Variants in KAZN observed in about 807,000 individuals in gnomAD.
KAZN encodes kazrin.
KAZN carries 40 observed loss-of-function variants against 87.4 expected under a neutral mutation model. The ratio of observed to expected loss-of-function variants is 0.46; its 90% CI spans 0.36 to 0.60. The LOEUF is 0.60. KAZN is among the 20% of genes least tolerant of loss of function. The pLI, the probability that KAZN is intolerant of heterozygous loss-of-function variation, is 0.00. For synonymous variants in KAZN, 466 were observed against 458.3 expected (o/e 1.02, Z -0.22); for missense variants, 898 against 1,073.9 (o/e 0.84, Z 2.29).
intron 1 of KAZN, among the ~76,000 whole-genome samples, chr1:14,789,381 T>G (rs1370462103): frequency 6.6e-6 from 1 of 152,138 alleles, no homozygotes; most frequent in Non-Finnish European, 1.5e-5. Context: ...CCCTCCTCAC[T>G]TTTCCAGACC....
At chr1:14,701,895 C>T (rs1487381114) in intron 1 of KAZN, among the ~76,000 whole-genome samples, 2 of 152,182 alleles carry the variant, frequency 1.3e-5, no homozygotes, top group African/African-American at 4.8e-5. Context: ...CTCCACCTCA[C>T]CTACATGTAT....
At chr1:14,918,675 CAAAAAAAAAAAAA>C (rs1158537283) in intron 1 of KAZN, among the ~76,000 whole-genome samples, 24 of 37,026 alleles carry the variant, frequency 6.5e-4, no homozygotes, top group Middle Eastern at 0.018. Context: ...GACTCCATCT[CAAAAAAAAAAAAA>C]AAAAAAAAAA....
chr1:15,004,012 A>G (rs1668763536), intron 2 of KAZN, among the ~76,000 whole-genome samples: 3 of 152,144 alleles, frequency 2.0e-5, no homozygotes, highest in African/African-American at 7.2e-5. Flanking sequence ...TTTAAAGGAC[A>G]TTTCCTCTGA....
intron 3 of KAZN, among the ~76,000 whole-genome samples, chr1:15,041,096 G>A (rs929260444): frequency 5.3e-5 from 8 of 150,040 alleles, no homozygotes; most frequent in South Asian, 2.1e-4. Flanking sequence ...GAATACAAGC[G>A]CATGCCACCA....
intron 1 of KAZN, among the ~76,000 whole-genome samples, chr1:14,175,463 C>G (rs995337953): frequency 6.6e-6 from 1 of 152,192 alleles, no homozygotes; most frequent in African/African-American, 2.4e-5. Context: ...GGAATTTATT[C>G]TTTGAGCAGA....
At chr1:14,689,121 A>T (rs548086739) in intron 1 of KAZN, among the ~76,000 whole-genome samples, 1 of 152,236 alleles carries the variant, frequency 6.6e-6, no homozygotes, top group Non-Finnish European at 1.5e-5. Flanking sequence ...CTTGAACCTG[A>T]GAGGCTGAGT....
chr1:13,978,075 C>T (rs1638453534), intron 1 of KAZN, among the ~76,000 whole-genome samples: 1 of 143,578 alleles, frequency 7.0e-6, no homozygotes, highest in Non-Finnish European at 1.5e-5. Context: ...TTGCAGTGAG[C>T]CGAGATCGTG....
chr1:14,381,277 A>G (rs1016883068), intron 2 of KAZN, among the ~76,000 whole-genome samples: 1 of 152,158 alleles, frequency 6.6e-6, no homozygotes, highest in Non-Finnish European at 1.5e-5. Context: ...ATTAGAGCTA[A>G]AGAGAGAGAT....
chr1:14,615,005 G>A (rs546454977), intron 1 of KAZN, among the ~76,000 whole-genome samples: 3 of 152,376 alleles, frequency 2.0e-5, no homozygotes, highest in Admixed American at 1.3e-4. Context: ...TAGGATTCAG[G>A]TAGAATGTGT....
At position 14,980,753 on chromosome 1, in the gene KAZN, C is replaced by T. The variant is rs908964812; in HGVS notation, c.418+19878C>T. ...GAAACCATTCCGATGCCATGATAGACGGCAGGAAGCCGAGGCAGAGAAGGA... is the reference window on the plus strand; with the variant it reads ...GAAACCATTCCGATGCCATGATAGATGGCAGGAAGCCGAGGCAGAGAAGGA... On this transcript the variant is annotated intron_variant, in intron 2 of 14. Coordinates refer to ENST00000376030, the MANE Select transcript of KAZN (RefSeq NM_201628.3). 5.3e-5 allele frequency among the ~76,000 whole-genome samples: 8 copies of T among 151,990 alleles called. No homozygotes were observed. The East Asian group carries it at 9.6e-4, about 18-fold the overall frequency.
chr1:14,483,422 T>C (rs776855174), intron 2 of KAZN, among the ~76,000 whole-genome samples: 1 of 152,122 alleles, frequency 6.6e-6, no homozygotes, highest in African/African-American at 2.4e-5. Flanking sequence ...CATGAATCAA[T>C]CCAAGAAGGA....
intron 4 of KAZN, among the ~76,000 whole-genome samples, chr1:15,048,078 G>C (rs1217521166): frequency 6.6e-6 from 1 of 152,210 alleles, no homozygotes; most frequent in Non-Finnish European, 1.5e-5. Flanking sequence ...CAGGTATTGG[G>C]GAAAGAGCCC....
intron 2 of KAZN, among the ~76,000 whole-genome samples, chr1:14,998,656 C>T (rs1668147515): frequency 6.6e-6 from 1 of 152,218 alleles, no homozygotes; most frequent in Non-Finnish European, 1.5e-5. Context: ...TCAAGCCATT[C>T]TCCTGCCTCA....
chr1:14,965,272 G>A (rs576601493), intron 2 of KAZN, among the ~76,000 whole-genome samples: 25 of 152,054 alleles, frequency 1.6e-4, no homozygotes, highest in Non-Finnish European at 1.3e-4. Flanking sequence ...TGCCCGGGTC[G>A]GCTTTCCAAA....
intron 1 of KAZN, among the ~76,000 whole-genome samples, chr1:14,610,055 T>C (rs754480398): frequency 2.0e-5 from 3 of 152,354 alleles, no homozygotes; most frequent in Middle Eastern, 3.4e-3. Flanking sequence ...TGTGCCCTCA[T>C]ACTCTGAGCC....
At chr1:14,748,856 A>G (rs142636985) in intron 1 of KAZN, among the ~76,000 whole-genome samples, 1 of 152,280 alleles carries the variant, frequency 6.6e-6, no homozygotes, top group East Asian at 1.9e-4. Context: ...TGGATAGGAA[A>G]GTACTGACCT....
At position 15,069,713 on chromosome 1, in the gene KAZN, G is replaced by T. The variant is rs1639423260; in HGVS notation, c.1222+3960G>T. 2.0e-5 allele frequency among the ~76,000 whole-genome samples: 3 copies of T among 152,202 alleles called. No homozygotes were observed. In the East Asian group the frequency reaches 5.8e-4, roughly 29 times the overall value. ...CTTCAAATGGTACCTATTAGAAATT[G>T]GAGTAGGGCTGCCCAGGGCATCCAG... On this transcript the variant is annotated intron_variant, in intron 8 of 14. Coordinates refer to ENST00000376030, the MANE Select transcript of KAZN (RefSeq NM_201628.3).
intron 1 of KAZN, among the ~76,000 whole-genome samples, chr1:14,142,061 T>G (rs1645251653): frequency 6.6e-6 from 1 of 152,140 alleles, no homozygotes; most frequent in Non-Finnish European, 1.5e-5. Context: ...GCAAGGTTGT[T>G]CTCTTTGTTC....
chr1:14,591,996 G>A (rs1397036132), intron 2 of KAZN, among the ~76,000 whole-genome samples: 2 of 152,114 alleles, frequency 1.3e-5, no homozygotes, highest in African/African-American at 4.8e-5. Context: ...AGCTGTTGGG[G>A]TTCCGCGGCC....
Sources: gnomAD v4.1 joint callset for allele counts (sites outside exome capture counted in the v4.1 genomes callset) on GRCh38, gnomAD v4.1.1 for gene constraint, MANE v1.5 for transcripts, NCBI Gene and HGNC (gene_info 2026-07-23, HGNC 2026-07-21) for gene names.